The following ADAM10 variants were observed in gnomAD, a reference collection of about 807,000 sequenced individuals.
ADAM10 encodes the protein disintegrin and metalloproteinase domain-containing protein 10.
A neutral mutation model predicts 90.1 loss-of-function variants in ADAM10; 17 were observed. That is an observed-to-expected ratio of 0.19 (90% CI 0.13 to 0.28). The LOEUF is 0.28. Among genes scored for constraint, ADAM10 ranks in the 10% least tolerant of loss-of-function variants. The pLI is 1.00. For missense variants in ADAM10, 610 were observed against 914.3 expected, an observed-to-expected ratio of 0.67 and a Z score of 4.29; for synonymous variants, 310 against 298.6, an observed-to-expected ratio of 1.04 and a Z score of -0.40.
chr15:58,609,028 T>C (rs1471963569), intron 14 of ADAM10: 1 of 151,574 alleles, frequency 6.6e-6, no homozygotes, highest in African/African-American at 2.4e-5. Flanking sequence ...AATAGCTGAG[T>C]TGAAAATAAA....
intron 11 of ADAM10, among the ~76,000 whole-genome samples, chr15:58,612,570 C>T (rs1208834443): frequency 6.6e-6 from 1 of 152,242 alleles, no homozygotes; most frequent in East Asian, 1.9e-4. Context: ...TGTTGCTGCA[C>T]CTGGTCTCAC....
At chr15:58,706,881 C>G (rs991793555) in intron 2 of ADAM10, among the ~76,000 whole-genome samples, 1 of 151,454 alleles carries the variant, frequency 6.6e-6, no homozygotes, top group Non-Finnish European at 1.5e-5. Context: ...TGGTGGCGTG[C>G]ATATGTAATC....
At chr15:58,698,194 A>C in intron 2 of ADAM10, 1 of 366,990 alleles carries the variant, frequency 2.7e-6, no homozygotes, top group Non-Finnish European at 5.3e-6. Context: ...AGAATTCAAA[A>C]TAATATTTAA....
At chr15:58,740,762 G>A (rs75786838) in intron 1 of ADAM10, among the ~76,000 whole-genome samples, 7,607 of 152,124 alleles carry the variant, frequency 0.05, 656 homozygotes, top group African/African-American at 0.17. Context: ...CTATAAATTC[G>A]TAATAGGCAT....
intron 13 of ADAM10, 26 bp from the exon 14 acceptor site, chr15:58,610,543 C>A: frequency 1.9e-6 from 3 of 1,599,676 alleles, no homozygotes; most frequent in Non-Finnish European, 1.7e-6. Context: ...CAAATATAAG[C>A]TGAAGGTCAG....
intron 2 of ADAM10, among the ~76,000 whole-genome samples, chr15:58,694,519 GCTGAGGGAAACCCCAT>G (rs1172273174): frequency 6.6e-6 from 1 of 152,102 alleles, no homozygotes; most frequent in African/African-American, 2.4e-5. Flanking sequence ...ACTTTGGGAG[GCTGAGGGAAACCCCAT>G]CTAAAACAAA....
rs528564100 is a variant in ADAM10 at position 58,592,095 on chromosome 15, T to C, written c.*5452A>G. 1 of 152,216 alleles carries C rather than the reference T, an allele frequency of 6.6e-6. No homozygotes were observed. Among genetic ancestry groups the C allele is most frequent in the Non-Finnish European group, 1.5e-5 (1 of 68,054 alleles). The allele number at this position is 152,216 out of a possible 1,614,324, so 9.4% of individuals were successfully genotyped here. On this transcript the variant is annotated 3_prime_UTR_variant, in exon 16 of 16. Coordinates refer to ENST00000260408, the MANE Select transcript of ADAM10 (RefSeq NM_001110.4). The stretch of plus-strand genomic sequence containing the variant: ...GTCCCTCTGTCCCCTGTATTTCTAA[T>C]GAAGGGGTAGTTAGATCAGGAGGCT...
At chr15:58,697,637 G>C (rs1372769145) in intron 2 of ADAM10, among the ~76,000 whole-genome samples, 7 of 152,140 alleles carry the variant, frequency 4.6e-5, no homozygotes, top group African/African-American at 1.7e-4. Flanking sequence ...CTGGGAAACA[G>C]AGGGTTTTCC....
intron 12 of ADAM10, chr15:58,611,516 T>C (rs1347855110): frequency 8.6e-6 from 3 of 348,398 alleles, no homozygotes; most frequent in Non-Finnish European, 1.6e-5. Context: ...AGTTCTTTTA[T>C]TTAGGCTACT....
intron 5 of ADAM10, among the ~76,000 whole-genome samples, chr15:58,656,881 G>C (rs1237993600): frequency 6.6e-6 from 1 of 152,126 alleles, no homozygotes; most frequent in Non-Finnish European, 1.5e-5. Context: ...GACAAGTCTG[G>C]TGTTGATGAA....
chr15:58,645,473 T>G (rs1174246245), intron 6 of ADAM10, among the ~76,000 whole-genome samples: 1 of 152,136 alleles, frequency 6.6e-6, no homozygotes, highest in Non-Finnish European at 1.5e-5. Context: ...ACTACCTAGC[T>G]TTTATACATG....
At chr15:58,744,054 C>T (rs1358821243) in intron 1 of ADAM10, among the ~76,000 whole-genome samples, 3 of 152,116 alleles carry the variant, frequency 2.0e-5, no homozygotes, top group Admixed American at 6.6e-5. Context: ...CTATCTGCAA[C>T]CTAATGAGAA....
rs768456078 is a variant in ADAM10, at chr15:58,717,775, C to G, written c.56-48G>C. On this transcript the variant is annotated intron_variant, in intron 1 of 15. Coordinates refer to ENST00000260408, the MANE Select transcript of ADAM10 (RefSeq NM_001110.4). ...TGAATTAGTATCATCTTGAAGACCCCTTCTAGTTCTAACACGATTATTCAA... is the reference window on the plus strand; with the variant it reads ...TGAATTAGTATCATCTTGAAGACCCGTTCTAGTTCTAACACGATTATTCAA... 1.5e-5 allele frequency: 23 copies of G among 1,584,372 alleles called. No individual in the cohort carries two copies. In the Admixed American group the frequency reaches 4.0e-4, roughly 28 times the overall value.
intron 1 of ADAM10, among the ~76,000 whole-genome samples, chr15:58,730,638 T>C: frequency 6.6e-6 from 1 of 152,164 alleles, no homozygotes; most frequent in Non-Finnish European, 1.5e-5. Context: ...TGTTAGTTAA[T>C]TTTAGGTGTC....
In ADAM10 at chr15:58,595,348, C is replaced by T. The variant is rs1314680387; in HGVS notation, c.*2199G>A. The T allele has an allele frequency of 6.6e-6, 1 of 152,132 alleles. No individual in the cohort carries two copies. Among genetic ancestry groups the T allele is most frequent in the Non-Finnish European group, 1.5e-5 (1 of 67,984 alleles). 9.4% of individuals were successfully genotyped at this position (152,132 alleles called of 1,614,324 possible). On this transcript the variant is annotated 3_prime_UTR_variant, in exon 16 of 16. Coordinates refer to ENST00000260408, the MANE Select transcript of ADAM10 (RefSeq NM_001110.4). ...TAAGAAAACACTGCCTTGTGGGAAG[C>T]TTCTTGTGATAGTTCTCAGAGTTCA...
intron 9 of ADAM10, 34 bp downstream of exon 9, chr15:58,633,162 G>A (rs765470011): frequency 1.3e-6 from 2 of 1,562,130 alleles, no homozygotes; most frequent in African/African-American, 2.7e-5. Context: ...AGACTAATAA[G>A]TATTTTTTAA....
At chr15:58,626,566 T>C (rs149638508) in intron 10 of ADAM10, among the ~76,000 whole-genome samples, 116 of 152,150 alleles carry the variant, frequency 7.6e-4, no homozygotes, top group Middle Eastern at 3.4e-3. Context: ...AAGAAAGACA[T>C]AACAGATGAC....
chr15:58,679,514 C>T (rs1317566815), intron 3 of ADAM10, among the ~76,000 whole-genome samples: 3 of 152,082 alleles, frequency 2.0e-5, no homozygotes, highest in East Asian at 3.8e-4. Context: ...TATACAATTA[C>T]TAATAACAGC....
intron 2 of ADAM10, among the ~76,000 whole-genome samples, chr15:58,703,583 A>G (rs1898191457): frequency 6.6e-6 from 1 of 152,238 alleles, no homozygotes; most frequent in Admixed American, 6.5e-5. Flanking sequence ...GATAAGTTAA[A>G]TAAGTCAGAC....
Sources: gnomAD v4.1 joint callset for allele counts (sites outside exome capture counted in the v4.1 genomes callset) on GRCh38, gnomAD v4.1.1 for gene constraint, MANE v1.5 for transcripts, NCBI Gene and HGNC (gene_info 2026-07-23, HGNC 2026-07-21) for gene names.